ASIC2: variants seen among roughly 807,000 people sequenced by gnomAD.
The protein encoded by ASIC2 is acid-sensing ion channel 2.
In ASIC2, 25 loss-of-function variants were observed where a neutral mutation model predicts 57.3. That is an observed-to-expected ratio of 0.44 (90% CI 0.32 to 0.61). The LOEUF (loss-of-function observed/expected upper bound fraction) is 0.61, where lower values mean the gene tolerates loss of function less well. Among genes scored for constraint, ASIC2 ranks in the 20% least tolerant of loss-of-function variants. ASIC2 has a pLI of 0.06. For synonymous variants in ASIC2, 319 were observed against 307.5 expected (o/e 1.04, Z -0.39); for missense variants, 641 against 738.1 (o/e 0.87, Z 1.52).
chr17:33,297,956 C>CT (rs35388631), upstream of ASIC2, among the ~76,000 whole-genome samples: 1,703 of 136,780 alleles, frequency 0.012, 39 homozygotes, highest in African/African-American at 0.036. Flanking sequence ...CTTTCTCTGC[C>CT]TTTTTTTTTT....
rs1330538105 is a variant in ASIC2, at chr17:33,292,385, C to T, written c.-270G>A. Reference sequence around the variant, plus strand: ...CCGAGCGCCTCCCAGGCTTTCCCGGCCCCTGGTCTTCCTGGAGGATGCCCG... The same window carrying T: ...CCGAGCGCCTCCCAGGCTTTCCCGGTCCCTGGTCTTCCTGGAGGATGCCCG... On this transcript the variant is annotated 5_prime_UTR_variant, in exon 1 of 10. Coordinates refer to ENST00000225823, the MANE Select transcript of ASIC2 (RefSeq NM_183377.2). 7.1e-6 allele frequency: 7 copies of T among 985,864 alleles called. No individual in the cohort carries two copies. The highest frequency in any genetic ancestry group is 6.0e-6 in the Non-Finnish European group (5 of 830,552). The allele number at this position is 985,864 out of a possible 1,614,324, so 61.1% of individuals were successfully genotyped here. A position where few individuals can be genotyped will look rare whatever the true frequency, so the allele number is the denominator to read the frequency against.
intron 1 of ASIC2, among the ~76,000 whole-genome samples, chr17:33,127,618 G>A (rs62069663): frequency 0.012 from 1,807 of 152,272 alleles, 22 homozygotes; most frequent in Non-Finnish European, 0.016. Flanking sequence ...GGGAGACAGC[G>A]TTGTGGCTTT....
chr17:33,617,439 G>A (rs940016064), intron 1 of ASIC2, among the ~76,000 whole-genome samples: 2 of 152,144 alleles, frequency 1.3e-5, no homozygotes, highest in African/African-American at 4.8e-5. Context: ...GTAAGTGGGG[G>A]CTAAACACTG....
intron 2 of ASIC2, among the ~76,000 whole-genome samples, chr17:33,092,956 G>A (rs1489494240): frequency 1.3e-5 from 2 of 152,152 alleles, no homozygotes; most frequent in African/African-American, 4.8e-5. Context: ...TCAGCTGTGA[G>A]CCTGCCTAGG....
At chr17:34,151,111 A>AT (rs1407203334) in intron 1 of ASIC2, among the ~76,000 whole-genome samples, 2 of 142,372 alleles carry the variant, frequency 1.4e-5, no homozygotes, top group African/African-American at 5.0e-5. Flanking sequence ...TCAAGAAAAA[A>AT]AAAAAAAAAA....
chr17:33,139,368 TCTG>T (rs1484810072), intron 1 of ASIC2, among the ~76,000 whole-genome samples: 1 of 152,230 alleles, frequency 6.6e-6, no homozygotes, highest in Non-Finnish European at 1.5e-5. Context: ...CTATTCTTTC[TCTG>T]AAGCCCAAAG....
chr17:33,677,808 G>A (rs1485369181), intron 1 of ASIC2, among the ~76,000 whole-genome samples: 2 of 152,316 alleles, frequency 1.3e-5, no homozygotes, highest in East Asian at 3.9e-4. Flanking sequence ...GGTTTCTTGA[G>A]ATGGAATCTA....
At chr17:33,432,662 T>TAC (rs1215069294) in intron 1 of ASIC2, among the ~76,000 whole-genome samples, 1 of 152,220 alleles carries the variant, frequency 6.6e-6, no homozygotes. Flanking sequence ...CATCAACTGT[T>TAC]CATGTTGTCA....
intron 7 of ASIC2, among the ~76,000 whole-genome samples, chr17:33,020,829 C>T (rs2091832467): frequency 1.3e-5 from 2 of 152,152 alleles, no homozygotes; most frequent in African/African-American, 4.8e-5. Flanking sequence ...GTTCAGCCTT[C>T]CCTCCTTCTC....
At chr17:33,062,184 T>A (rs1245290141) in intron 3 of ASIC2, among the ~76,000 whole-genome samples, 1 of 152,204 alleles carries the variant, frequency 6.6e-6, no homozygotes, top group Non-Finnish European at 1.5e-5. Context: ...TGATCTTGGT[T>A]GTTTCTTGCC....
At chr17:33,382,105 C>A (rs915776943) in intron 1 of ASIC2, among the ~76,000 whole-genome samples, 1 of 152,128 alleles carries the variant, frequency 6.6e-6, no homozygotes, top group African/African-American at 2.4e-5. Flanking sequence ...ACCTGCTCTG[C>A]CAGACACCGG....
intron 1 of ASIC2, among the ~76,000 whole-genome samples, chr17:33,902,688 G>C (rs1915257024): frequency 6.6e-6 from 1 of 152,132 alleles, no homozygotes; most frequent in Admixed American, 6.5e-5. Flanking sequence ...GTCAACATCT[G>C]GGTTTTCTAT....
chr17:34,155,823 G>T, intron 1 of ASIC2: 1 of 796,706 alleles, frequency 1.3e-6, no homozygotes, highest in Non-Finnish European at 1.9e-6. Flanking sequence ...CAACCAGCTC[G>T]CACAACTCTG....
At chr17:33,150,571 G>C (rs1337602139) in intron 1 of ASIC2, among the ~76,000 whole-genome samples, 1 of 151,988 alleles carries the variant, frequency 6.6e-6, no homozygotes, top group East Asian at 1.9e-4. Flanking sequence ...GTCTTTCTTG[G>C]GGGTGTGGGG....
intron 3 of ASIC2, among the ~76,000 whole-genome samples, chr17:33,075,511 C>T (rs925685883): frequency 5.3e-5 from 8 of 152,126 alleles, no homozygotes; most frequent in South Asian, 2.1e-4. Context: ...AGGAAAGGGG[C>T]GAGACAGTCT....
At chr17:33,208,501 C>G (rs533596397) in intron 1 of ASIC2, among the ~76,000 whole-genome samples, 1 of 152,274 alleles carries the variant, frequency 6.6e-6, no homozygotes, top group South Asian at 2.1e-4. Flanking sequence ...CTGGAATGCT[C>G]TTTCCCTCAG....
chr17:33,213,414 T>A, intron 1 of ASIC2, among the ~76,000 whole-genome samples: 1 of 152,158 alleles, frequency 6.6e-6, no homozygotes, highest in Middle Eastern at 3.2e-3. Flanking sequence ...GCAGTGGGTG[T>A]GTTAGTGGCC....
At chr17:33,419,758 G>A (rs1392109253) in intron 1 of ASIC2, among the ~76,000 whole-genome samples, 1 of 152,076 alleles carries the variant, frequency 6.6e-6, no homozygotes, top group African/African-American at 2.4e-5. Flanking sequence ...ATCAGTAGAG[G>A]ATTGGTCACA....
At chr17:33,325,709 A>C (rs897255098) in intron 1 of ASIC2, among the ~76,000 whole-genome samples, 4 of 152,128 alleles carry the variant, frequency 2.6e-5, no homozygotes, top group African/African-American at 7.2e-5. Context: ...AGTGGGTATG[A>C]GAAAGATTGG....
Sources: gnomAD v4.1 joint callset for allele counts (sites outside exome capture counted in the v4.1 genomes callset) on GRCh38, gnomAD v4.1.1 for gene constraint, MANE v1.5 for transcripts, NCBI Gene and HGNC (gene_info 2026-07-23, HGNC 2026-07-21) for gene names.